SDK1: variants seen among roughly 807,000 people sequenced by gnomAD.
SDK1 encodes the protein protein sidekick-1.
Under a neutral mutation model 245.5 loss-of-function variants are expected in SDK1, and 157 were observed. The observed-to-expected ratio is 0.64, with a 90% confidence interval of 0.56 to 0.73. The LOEUF is 0.73. Among genes scored for constraint, SDK1 ranks in the 30% least tolerant of loss-of-function variants. SDK1 has a pLI of 0.00. For synonymous variants in SDK1, 1,647 were observed against 1,278.5 expected, an observed-to-expected ratio of 1.29 and a Z score of -6.15; for missense variants, 3,583 against 3,002.3, an observed-to-expected ratio of 1.19 and a Z score of -4.52.
chr7:4,199,207 G>A (rs554926900), intron 35 of SDK1, among the ~76,000 whole-genome samples: 1 of 152,196 alleles, frequency 6.6e-6, no homozygotes, highest in Non-Finnish European at 1.5e-5. Flanking sequence ...GTTAGGGGCT[G>A]TGGATTGCAC....
intron 5 of SDK1, among the ~76,000 whole-genome samples, chr7:3,823,951 T>TG (rs1470099627): frequency 2.2e-5 from 3 of 135,196 alleles, no homozygotes; most frequent in African/African-American, 9.1e-5. Flanking sequence ...TGTTTTTTTG[T>TG]GTTTTTTTTT....
At chr7:3,446,283 T>A (rs954007431) in intron 1 of SDK1, among the ~76,000 whole-genome samples, 1 of 152,156 alleles carries the variant, frequency 6.6e-6, no homozygotes, top group African/African-American at 2.4e-5. Context: ...GGATAAAGAA[T>A]CTGAAACTCA....
intron 1 of SDK1, among the ~76,000 whole-genome samples, chr7:3,479,691 A>G (rs1023819633): frequency 5.3e-5 from 8 of 151,470 alleles, no homozygotes; most frequent in African/African-American, 1.5e-4. Context: ...GTGAAACCCT[A>G]TTTCTACTAA....
chr7:3,972,251 T>G (rs1365765749), intron 12 of SDK1, among the ~76,000 whole-genome samples: 3 of 152,036 alleles, frequency 2.0e-5, no homozygotes, highest in Admixed American at 2.0e-4. Flanking sequence ...GGCTATTTTT[T>G]TGTATTTTTA....
intron 23 of SDK1, among the ~76,000 whole-genome samples, chr7:4,112,957 T>A (rs1783444479): frequency 1.3e-5 from 2 of 152,094 alleles, no homozygotes; most frequent in South Asian, 2.1e-4. Context: ...TTTCGCCATG[T>A]TGGCCAGGCT....
chr7:3,513,741 A>G (rs558712100), intron 1 of SDK1, among the ~76,000 whole-genome samples: 1 of 152,286 alleles, frequency 6.6e-6, no homozygotes, highest in Admixed American at 6.5e-5. Context: ...TCACCCAGGT[A>G]GTGAGTGTGG....
intron 4 of SDK1, among the ~76,000 whole-genome samples, chr7:3,698,366 G>C (rs561235888): frequency 6.6e-6 from 1 of 152,262 alleles, no homozygotes; most frequent in South Asian, 2.1e-4. Flanking sequence ...GTATTGGAGA[G>C]AGCACCTGAG....
intron 13 of SDK1, 90 bp from the exon 14 acceptor site, chr7:3,987,096 C>T (rs968823286): frequency 2.3e-6 from 3 of 1,295,612 alleles, no homozygotes; most frequent in African/African-American, 3.0e-5. Context: ...AAACATGACA[C>T]AGCAGGACGG....
intron 40 of SDK1, 67 bp downstream of exon 40, chr7:4,221,431 G>T: frequency 1.3e-6 from 2 of 1,505,378 alleles, no homozygotes; most frequent in Non-Finnish European, 1.8e-6. Flanking sequence ...AGACTGTGTC[G>T]GGGGCTTCCA....
intron 1 of SDK1, among the ~76,000 whole-genome samples, chr7:3,548,722 C>G: frequency 6.6e-6 from 1 of 152,178 alleles, no homozygotes; most frequent in East Asian, 1.9e-4. Context: ...CACTATTTTT[C>G]TCTTCAGACC....
At chr7:3,439,265 CCT>C (rs1780124389) in intron 1 of SDK1, among the ~76,000 whole-genome samples, 1 of 152,108 alleles carries the variant, frequency 6.6e-6, no homozygotes, top group Non-Finnish European at 1.5e-5. Flanking sequence ...TTTTATTTCC[CCT>C]GAGTGAACAT....
chr7:3,852,530 G>C (rs960260810), intron 5 of SDK1, among the ~76,000 whole-genome samples: 1 of 151,372 alleles, frequency 6.6e-6, no homozygotes, highest in African/African-American at 2.4e-5. Context: ...GGCGGATCAC[G>C]AGGTCAGGAG....
At chr7:3,791,742 G>C (rs1781098075) in intron 4 of SDK1, among the ~76,000 whole-genome samples, 1 of 152,188 alleles carries the variant, frequency 6.6e-6, no homozygotes, top group Non-Finnish European at 1.5e-5. Flanking sequence ...AGGGTGATCT[G>C]TTCGGAGAGT....
At chr7:3,543,132 G>A (rs1436322815) in intron 1 of SDK1, among the ~76,000 whole-genome samples, 3 of 152,164 alleles carry the variant, frequency 2.0e-5, no homozygotes, top group Non-Finnish European at 4.4e-5. Context: ...CCAAAGTAAC[G>A]GAGGTTATGC....
chr7:3,738,279 T>C (rs922074343), intron 4 of SDK1, among the ~76,000 whole-genome samples: 1 of 152,268 alleles, frequency 6.6e-6, no homozygotes, highest in African/African-American at 2.4e-5. Flanking sequence ...TGTGCAGTTT[T>C]CCCAATGCCA....
intron 5 of SDK1, among the ~76,000 whole-genome samples, chr7:3,838,663 C>T (rs2115084486): frequency 6.6e-6 from 1 of 152,300 alleles, no homozygotes; most frequent in South Asian, 2.1e-4. Flanking sequence ...GCCCCCGTCC[C>T]TGAACACAGC....
intron 28 of SDK1, among the ~76,000 whole-genome samples, chr7:4,144,136 G>A (rs1410757731): frequency 6.6e-6 from 1 of 151,554 alleles, no homozygotes; most frequent in African/African-American, 2.4e-5. Flanking sequence ...GGAAGGGGAG[G>A]CGTGGGGGAA....
At chr7:3,409,421 G>C (rs529434757) in intron 1 of SDK1, among the ~76,000 whole-genome samples, 14 of 151,912 alleles carry the variant, frequency 9.2e-5, no homozygotes, top group Admixed American at 1.3e-4. Flanking sequence ...TGTACAGTCA[G>C]GTGGCTGTTC....
chr7:3,815,764 C>T (rs1393560680), intron 4 of SDK1, among the ~76,000 whole-genome samples: 2 of 151,488 alleles, frequency 1.3e-5, no homozygotes, highest in Non-Finnish European at 2.9e-5. Context: ...ATCTACAGAA[C>T]TCTCCACCCC....
Sources: gnomAD v4.1 joint callset for allele counts (sites outside exome capture counted in the v4.1 genomes callset) on GRCh38, gnomAD v4.1.1 for gene constraint, MANE v1.5 for transcripts, NCBI Gene and HGNC (gene_info 2026-07-23, HGNC 2026-07-21) for gene names.